The following CELF1 variants were observed in gnomAD, a reference collection of about 807,000 sequenced individuals.
CELF1 encodes CUGBP Elav-like family member 1.
CELF1 carries 10 observed loss-of-function variants against 61.8 expected under a neutral mutation model. That is an observed-to-expected ratio of 0.16 (90% CI 0.10 to 0.27). The LOEUF is 0.27. Ranked by LOEUF, CELF1 falls within the 10% of genes least tolerant of loss-of-function variation. The pLI, the probability that CELF1 is intolerant of heterozygous loss-of-function variation, is 1.00. For missense variants in CELF1, 380 were observed against 639.1 expected (o/e 0.59, Z 4.37); for synonymous variants, 236 against 225.1 (o/e 1.05, Z -0.43).
chr11:47,477,075 TAAC>T, intron 11 of CELF1, 116 bp from the exon 12 acceptor site: 1 of 965,940 alleles, frequency 1.0e-6, no homozygotes, highest in Non-Finnish European at 1.6e-6. Flanking sequence ...TTACTAATTC[TAAC>T]AACTGTCCTT....
At chr11:47,483,704 C>T (rs1270723060) in intron 7 of CELF1, among the ~76,000 whole-genome samples, 172 bp from the exon 8 acceptor site, 2 of 151,774 alleles carry the variant, frequency 1.3e-5, no homozygotes, top group African/African-American at 2.4e-5. Flanking sequence ...AATGAAAAAA[C>T]AGAACCACTG....
chr11:47,553,009 C>A lies in CELF1; in HGVS notation c.-171G>T. 2.5e-6 allele frequency: 1 copy of A among 395,562 alleles called. No individual in the cohort carries two copies. The highest frequency in any genetic ancestry group is 4.4e-6 in the Non-Finnish European group (1 of 225,826). 24.5% of individuals were successfully genotyped at this position (395,562 alleles called of 1,614,324 possible). ...GCACTCACCAGCGGCTGCACCTGAG[C>A]CTGCCGCTGCCTCAGTTGCTGCCTG... On this transcript the variant is annotated 5_prime_UTR_variant, in exon 1 of 15. Coordinates refer to ENST00000687097, the MANE Select transcript of CELF1 (RefSeq NM_001376376.1).
At position 47,483,546 on chromosome 11, in the gene CELF1, A is replaced by AGT; in HGVS notation, c.527-16_527-15dup. On this transcript the variant is annotated splice_polypyrimidine_tract_variant and intron_variant, in intron 7 of 14. Transcript: ENST00000687097. ...CAAATGCACAACCTGGTAAGAGAAG[A>AGT]GTCAGTAACTCATGCATTCATTTAT... 6.3e-7 allele frequency: 1 copy of AGT among 1,598,976 alleles called. No individual in the cohort carries two copies. The highest frequency in any genetic ancestry group is 8.6e-7 in the Non-Finnish European group (1 of 1,166,240).
At chr11:47,479,006 A>C in intron 9 of CELF1, 54 bp from the exon 10 acceptor site, 5 of 1,433,868 alleles carry the variant, frequency 3.5e-6, no homozygotes, top group Non-Finnish European at 4.8e-6. Flanking sequence ...CTGGTTCTGC[A>C]TCTGGGATAA....
upstream of CELF1, among the ~76,000 whole-genome samples, chr11:47,555,949 G>A (rs566197088): frequency 1.4e-4 from 20 of 145,800 alleles, no homozygotes; most frequent in Non-Finnish European, 2.7e-4. Flanking sequence ...GCAGTGAGTC[G>A]AGATCGAACC....
At chr11:47,512,550 G>A (rs1477897905) in intron 1 of CELF1, among the ~76,000 whole-genome samples, 3 of 151,408 alleles carry the variant, frequency 2.0e-5, no homozygotes, top group Non-Finnish European at 2.9e-5. Context: ...ATGTTAGCCA[G>A]GGTGGTCTCG....
chr11:47,487,211 T>C lies in CELF1; in HGVS notation c.290A>G (p.Lys97Arg). Reference protein sequence around the residue: ...GCCFVTFYTRKAALEAQNALH... With the variant: ...GCCFVTFYTRRAALEAQNALH... ...AGCATTCTGAGCTTCTAATGCAGCT[T>C]TACGGGTGTAAAATGTAACAAAACA... Residue 97 changes from lysine to arginine, a missense_variant, in exon 5 of 15, where the codon AAA becomes AGA. Coordinates refer to ENST00000687097, the MANE Select transcript of CELF1 (RefSeq NM_001376376.1). The C allele has an allele frequency of 6.2e-7, 1 of 1,612,696 alleles. No homozygotes were observed. Among genetic ancestry groups the C allele is most frequent in the Non-Finnish European group, 8.5e-7 (1 of 1,179,890 alleles).
chr11:47,506,009 T>A (rs968331117), intron 1 of CELF1, among the ~76,000 whole-genome samples: 10 of 150,824 alleles, frequency 6.6e-5, no homozygotes, highest in African/African-American at 2.4e-4. Flanking sequence ...TGGAATCTAC[T>A]AAGTTCCGTC....
chr11:47,509,593 C>CA (rs915057679), intron 1 of CELF1, among the ~76,000 whole-genome samples: 3 of 151,344 alleles, frequency 2.0e-5, no homozygotes, highest in South Asian at 2.1e-4. Flanking sequence ...GAAAAAGGAG[C>CA]AAAAAAAATG....
At position 47,473,134 on chromosome 11, in the gene CELF1, A is replaced by G. The variant is rs34097581; in HGVS notation, c.1371T>C (p.Ser457=). 1 of 1,614,210 alleles carries G rather than the reference A, an allele frequency of 6.2e-7. No homozygotes were observed. The highest frequency in any genetic ancestry group is 1.7e-5 in the Admixed American group (1 of 60,028). ...QMFMPFGNVV[S]AKVFIDKQTN... The stretch of plus-strand genomic sequence containing the variant: ...TCTGCTTGTCTATGAAAACCTTGGC[A>G]GACACGACATTCCCAAAGGGCATAA... The change falls in exon 14 of 15, where the codon TCT becomes TCC. Residue 457 remains serine (S), a synonymous_variant. Transcript: ENST00000687097.
chr11:47,533,988 C>G (rs2096561167), intron 1 of CELF1, among the ~76,000 whole-genome samples: 1 of 150,246 alleles, frequency 6.7e-6, no homozygotes. Flanking sequence ...CTTTCCAGAC[C>G]ACAACATAAG....
At chr11:47,475,225 A>T in intron 13 of CELF1, 111 bp downstream of exon 13, 1 of 952,726 alleles carries the variant, frequency 1.0e-6, no homozygotes, top group Non-Finnish European at 1.6e-6. Flanking sequence ...TCAAAGAAAA[A>T]CAATGGTCTG....
intron 1 of CELF1, among the ~76,000 whole-genome samples, 166 bp from the exon 2 acceptor site, chr11:47,501,098 C>A (rs756513884): frequency 3.3e-5 from 5 of 152,216 alleles, no homozygotes; most frequent in Non-Finnish European, 7.3e-5. Context: ...TCTCTTCTGT[C>A]CATGTCCAGA....
chr11:47,484,675 ATC>A (rs2085523373), intron 6 of CELF1, 152 bp from the exon 7 acceptor site: 1 of 641,762 alleles, frequency 1.6e-6, no homozygotes, highest in South Asian at 2.4e-5. Flanking sequence ...TATTTTTCAC[ATC>A]TCTTTTTTTC....
chr11:47,486,839 A>T, intron 5 of CELF1, 41 bp from the exon 6 acceptor site: 1 of 1,458,450 alleles, frequency 6.9e-7, no homozygotes. Context: ...GTATATATTG[A>T]TGGTATTCAA....
In CELF1 at chr11:47,475,429, T is replaced by A. The variant is rs757623542; in HGVS notation, c.1180A>T (p.Ile394Phe). Residue 394 changes from isoleucine to phenylalanine, a missense_variant, in exon 13 of 15, where the codon ATC becomes TTC. Transcript: ENST00000687097. ...AGCGCAGCAGCAGCATATTGCTGGA[T>A]ACCCGAGTAGGCCTGAGTGAGGGCC... ...MEALTQAYSG[I>F]QQYAAAALPT... The A allele has an allele frequency of 8.1e-6, 13 of 1,614,026 alleles. No individual in the cohort carries two copies. The highest frequency in any genetic ancestry group is 1.1e-5 in the Non-Finnish European group (13 of 1,180,048).
At position 47,489,941 on chromosome 11, in the gene CELF1, T is replaced by TTTTTTTTTTTTTTTG. The variant is rs2090424154; in HGVS notation, c.72-932_72-918dup. 1.8e-5 allele frequency among the ~76,000 whole-genome samples: 2 copies of TTTTTTTTTTTTTTTG among 109,424 alleles called. 1 individual carries two copies. The highest frequency in any genetic ancestry group is 3.7e-5 in the Non-Finnish European group (2 of 53,418). The allele number at this position is 109,424 out of a possible 152,430, so 71.8% of individuals were successfully genotyped here. A position where few individuals can be genotyped will look rare whatever the true frequency, so the allele number is the denominator to read the frequency against. ...ACTCAGAACATACCATCTTGTTTTT[T>TTTTTTTTTTTTTTTG]TTTTTTTTTTTTTTGAGACGGAATT... is the stretch of plus-strand genomic sequence containing the variant. On this transcript the variant is annotated intron_variant, in intron 3 of 14. Coordinates refer to ENST00000687097, the MANE Select transcript of CELF1 (RefSeq NM_001376376.1).
chr11:47,503,479 T>A (rs1172896110), intron 1 of CELF1, among the ~76,000 whole-genome samples: 5 of 152,068 alleles, frequency 3.3e-5, no homozygotes, highest in African/African-American at 1.2e-4. Flanking sequence ...ACAGAGGAGA[T>A]TAGAAGCTAC....
chr11:47,476,705 T>C (rs1039268637), intron 12 of CELF1, 141 bp downstream of exon 12: 2 of 661,910 alleles, frequency 3.0e-6, no homozygotes, highest in Non-Finnish European at 2.7e-6. Context: ...GGATTAGAGG[T>C]GTGAGCCACC....
Sources: allele counts gnomAD v4.1 joint callset (sites outside exome capture counted in the v4.1 genomes callset), GRCh38; gene constraint gnomAD v4.1.1; transcripts MANE v1.5; gene names NCBI Gene and HGNC (gene_info 2026-07-23, HGNC 2026-07-21).